The following ZBTB8A variants were observed in gnomAD, a reference collection of about 807,000 sequenced individuals.
The protein encoded by ZBTB8A is zinc finger and BTB domain-containing protein 8A.
ZBTB8A carries 19 observed loss-of-function variants against 37.8 expected under a neutral mutation model. The ratio of observed to expected loss-of-function variants is 0.50; its 90% CI spans 0.35 to 0.74. The LOEUF is 0.74. Ranked by LOEUF, ZBTB8A falls within the 30% of genes least tolerant of loss-of-function variation. The pLI is 0.01. For missense variants in ZBTB8A, 394 were observed against 537.8 expected (o/e 0.73, Z 2.65); for synonymous variants, 181 against 185.2 (o/e 0.98, Z 0.19).
chr1:32,542,696 A>G (rs1033475535), intron 1 of ZBTB8A, among the ~76,000 whole-genome samples: 4 of 152,316 alleles, frequency 2.6e-5, no homozygotes, highest in East Asian at 1.9e-4. Flanking sequence ...TTCGAACTTA[A>G]TGGTTCCTAA....
At chr1:32,596,231 G>A (rs1318363946) in intron 4 of ZBTB8A, among the ~76,000 whole-genome samples, 3 of 152,008 alleles carry the variant, frequency 2.0e-5, no homozygotes, top group East Asian at 1.9e-4. Flanking sequence ...TTAGCCAGGC[G>A]TGGTGGCGGG....
chr1:32,544,927 C>T (rs1644090637), intron 1 of ZBTB8A, among the ~76,000 whole-genome samples: 1 of 152,142 alleles, frequency 6.6e-6, no homozygotes, highest in Admixed American at 6.6e-5. Flanking sequence ...ATTGTTTCCA[C>T]CTCTTAGCTG....
rs187638298 is a variant in ZBTB8A at position 32,584,268 on chromosome 1, G to A, written c.-1-8663G>A. 7.2e-5 allele frequency among the ~76,000 whole-genome samples: 11 copies of A among 152,170 alleles called. No individual in the cohort carries two copies. In the East Asian group the frequency reaches 2.1e-3, roughly 29 times the overall value. On this transcript the variant is annotated intron_variant, in intron 2 of 4. Coordinates refer to ENST00000373510, the MANE Select transcript of ZBTB8A (RefSeq NM_001040441.3). Reference sequence around the variant, plus strand: ...TTTGCAATTTAATTTTGGATTTCTAGCCTCCAGATTGCAAGACAATAAAAT... The same window carrying A: ...TTTGCAATTTAATTTTGGATTTCTAACCTCCAGATTGCAAGACAATAAAAT...
At chr1:32,582,659 A>T (rs760640424) in intron 2 of ZBTB8A, among the ~76,000 whole-genome samples, 6 of 151,880 alleles carry the variant, frequency 4.0e-5, no homozygotes, top group Non-Finnish European at 5.9e-5. Flanking sequence ...AAAAAGAAGG[A>T]TACTCAACCT....
intron 2 of ZBTB8A, among the ~76,000 whole-genome samples, chr1:32,568,302 T>C (rs1234985764): frequency 1.3e-5 from 2 of 152,180 alleles, no homozygotes; most frequent in Admixed American, 1.3e-4. Flanking sequence ...TTTTTTTTCT[T>C]ATGCCATTTT....
chr1:32,589,469 T>C (rs1220229010), intron 2 of ZBTB8A, among the ~76,000 whole-genome samples: 2 of 152,076 alleles, frequency 1.3e-5, no homozygotes, highest in Non-Finnish European at 2.9e-5. Context: ...CAGGCTGGTC[T>C]AGAACTCCTG....
chr1:32,550,238 A>G (rs183982376), intron 1 of ZBTB8A, among the ~76,000 whole-genome samples: 2 of 152,272 alleles, frequency 1.3e-5, no homozygotes, highest in African/African-American at 2.4e-5. Flanking sequence ...AATATCTGCT[A>G]GAGTGGAACT....
At chr1:32,574,728 T>G (rs964195861) in intron 2 of ZBTB8A, among the ~76,000 whole-genome samples, 4 of 152,222 alleles carry the variant, frequency 2.6e-5, no homozygotes, top group Non-Finnish European at 1.5e-5. Flanking sequence ...TAGAGTGTGC[T>G]GTAAATGTAA....
Position 32,554,086 on chromosome 1 carries a change from G to GGTGCTTGT in ZBTB8A, c.-2+548_-2+555dup, listed in dbSNP as rs1644179575. On this transcript the variant is annotated intron_variant, in intron 2 of 4. Transcript: ENST00000373510. ...GTGGTGCTGGGCGCCTATAATCCCA[G>GGTGCTTGT]GTGCTTGTGAGGCTGAGACAGGAGA... Among the ~76,000 whole-genome samples, 5 of 151,214 alleles carry GGTGCTTGT rather than the reference G, an allele frequency of 3.3e-5. No homozygotes were observed. In the South Asian group the frequency reaches 1.0e-3, roughly 32 times the overall value.
rs1644568274 is a variant in ZBTB8A, at chr1:32,600,545, T to C, written c.*126T>C. 2 of 722,874 alleles carry C rather than the reference T, an allele frequency of 2.8e-6. No individual in the cohort carries two copies. The highest frequency in any genetic ancestry group is 1.8e-5 in the African/African-American group (1 of 55,998). 44.8% of individuals were successfully genotyped at this position (722,874 alleles called of 1,614,324 possible). On this transcript the variant is annotated 3_prime_UTR_variant, in exon 5 of 5. Coordinates refer to ENST00000373510, the MANE Select transcript of ZBTB8A (RefSeq NM_001040441.3). ...CTGACTTTAAAGAAATGATCTGATA[T>C]AACTTGCATGCTTTCTGAACAGGCC...
chr1:32,569,086 T>C (rs539836182), intron 2 of ZBTB8A, among the ~76,000 whole-genome samples: 1 of 152,286 alleles, frequency 6.6e-6, no homozygotes, highest in East Asian at 1.9e-4. Context: ...CAGCAATACA[T>C]GAGAGAACCA....
chr1:32,549,506 A>G (rs1386021298), intron 1 of ZBTB8A, among the ~76,000 whole-genome samples: 1 of 151,910 alleles, frequency 6.6e-6, no homozygotes, highest in East Asian at 1.9e-4. Context: ...AAAAAAAAAA[A>G]AGACTGCCCA....
chr1:32,544,815 C>T (rs183885591), intron 1 of ZBTB8A, among the ~76,000 whole-genome samples: 10 of 152,300 alleles, frequency 6.6e-5, no homozygotes, highest in Non-Finnish European at 1.2e-4. Context: ...TTATGCGGCG[C>T]GTGACCATAT....
At chr1:32,572,920 AATG>A (rs1570343685) in intron 2 of ZBTB8A, among the ~76,000 whole-genome samples, 1 of 150,988 alleles carries the variant, frequency 6.6e-6, no homozygotes, top group Admixed American at 6.6e-5. Context: ...CTTTATTGAT[AATG>A]ATTAATTTAT....
At position 32,601,861 on chromosome 1, in the gene ZBTB8A, G is replaced by A. The variant is rs1644578443; in HGVS notation, c.*1442G>A. The stretch of plus-strand genomic sequence containing the variant: ...TCTAGAGATTTTCAAATAATGCTAA[G>A]TAATGTCCCTACAGTACCTATTGGT... On this transcript the variant is annotated 3_prime_UTR_variant, in exon 5 of 5. Transcript: ENST00000373510. The A allele has an allele frequency of 2.5e-6, 1 of 394,708 alleles. No homozygotes were observed. The highest frequency in any genetic ancestry group is 4.5e-6 in the Non-Finnish European group (1 of 224,384). The allele number at this position is 394,708 out of a possible 1,614,324, so 24.5% of individuals were successfully genotyped here.
At chr1:32,581,350 T>TTA (rs1306042654) in intron 2 of ZBTB8A, among the ~76,000 whole-genome samples, 11 of 128,588 alleles carry the variant, frequency 8.6e-5, no homozygotes, top group South Asian at 4.4e-4. Context: ...AAAATATGTA[T>TTA]TATATATATA....
intron 4 of ZBTB8A, among the ~76,000 whole-genome samples, chr1:32,596,412 C>A (rs962944485): frequency 4.0e-5 from 6 of 150,832 alleles, no homozygotes; most frequent in African/African-American, 7.3e-5. Context: ...GGTGAAACCC[C>A]ATCCACCAAA....
chr1:32,547,133 G>A (rs965967006), intron 1 of ZBTB8A, among the ~76,000 whole-genome samples: 2 of 152,006 alleles, frequency 1.3e-5, no homozygotes, highest in African/African-American at 2.4e-5. Context: ...CGAACTCCTG[G>A]GCTCAAGTGA....
intron 2 of ZBTB8A, among the ~76,000 whole-genome samples, chr1:32,554,604 G>A (rs1350909827): frequency 2.0e-5 from 3 of 151,798 alleles, no homozygotes; most frequent in Non-Finnish European, 4.4e-5. Flanking sequence ...TCAGCCTCCA[G>A]AGTAACTGGG....
Sources: allele counts gnomAD v4.1 joint callset (sites outside exome capture counted in the v4.1 genomes callset), GRCh38; gene constraint gnomAD v4.1.1; transcripts MANE v1.5; gene names NCBI Gene and HGNC (gene_info 2026-07-23, HGNC 2026-07-21).